FSTL5: variants seen among roughly 807,000 people sequenced by gnomAD.
FSTL5 encodes follistatin-related protein 5.
Under a neutral mutation model 89.1 loss-of-function variants are expected in FSTL5, and 62 were observed. The ratio of observed to expected loss-of-function variants is 0.70; its 90% CI spans 0.57 to 0.86. The LOEUF (loss-of-function observed/expected upper bound fraction) is 0.86, where lower values mean the gene tolerates loss of function less well. Ranked by LOEUF, FSTL5 falls within the 40% of genes least tolerant of loss-of-function variation. The pLI is 0.00. For synonymous variants in FSTL5, 383 were observed against 346.2 expected, an observed-to-expected ratio of 1.11 and a Z score of -1.18; for missense variants, 1,057 against 1,001.6, an observed-to-expected ratio of 1.06 and a Z score of -0.75.
intron 7 of FSTL5, among the ~76,000 whole-genome samples, chr4:161,598,832 G>T (rs1163555653): frequency 6.6e-6 from 1 of 151,698 alleles, no homozygotes; most frequent in Admixed American, 6.6e-5. Flanking sequence ...CAAAAATCAA[G>T]AGCAAAGGAA....
chr4:161,746,175 C>T (rs747748928), intron 6 of FSTL5, among the ~76,000 whole-genome samples: 10 of 151,450 alleles, frequency 6.6e-5, no homozygotes, highest in Non-Finnish European at 1.2e-4. Context: ...GAAGTTGTCA[C>T]CAATTTATTT....
chr4:162,052,114 A>C (rs1287858515), intron 2 of FSTL5, among the ~76,000 whole-genome samples: 1 of 151,710 alleles, frequency 6.6e-6, no homozygotes, highest in Non-Finnish European at 1.5e-5. Context: ...ATAACTGGAA[A>C]TACAACAGAG....
intron 7 of FSTL5, among the ~76,000 whole-genome samples, chr4:161,629,705 T>C (rs1735437758): frequency 6.6e-6 from 1 of 152,162 alleles, no homozygotes; most frequent in Non-Finnish European, 1.5e-5. Context: ...TTTTTTCCCC[T>C]AAGCCATAGC....
At chr4:161,522,078 C>T (rs1205287178) in intron 10 of FSTL5, among the ~76,000 whole-genome samples, 1 of 152,022 alleles carries the variant, frequency 6.6e-6, no homozygotes, top group Non-Finnish European at 1.5e-5. Context: ...TTTCAGTCCC[C>T]ACCCCCATAC....
At chr4:161,755,408 T>C (rs1740534608) in intron 6 of FSTL5, among the ~76,000 whole-genome samples, 1 of 152,098 alleles carries the variant, frequency 6.6e-6, no homozygotes, top group African/African-American at 2.4e-5. Context: ...CCATTAACTT[T>C]TTCCTGTTTG....
At chr4:161,596,931 C>T (rs1033913193) in intron 7 of FSTL5, among the ~76,000 whole-genome samples, 1 of 151,978 alleles carries the variant, frequency 6.6e-6, no homozygotes, top group South Asian at 2.1e-4. Context: ...TGGATATTAG[C>T]CCTTTGTCAG....
intron 15 of FSTL5, among the ~76,000 whole-genome samples, chr4:161,444,794 G>A (rs1369696825): frequency 1.3e-5 from 2 of 151,816 alleles, no homozygotes; most frequent in African/African-American, 4.8e-5. Flanking sequence ...TTTACCCCAA[G>A]AATGAGGAAA....
In FSTL5 at chr4:161,875,147, T is replaced by C. The variant is rs146330661; in HGVS notation, c.409+45257A>G. Among the ~76,000 whole-genome samples, 288 of 152,302 alleles carry C rather than the reference T, an allele frequency of 1.9e-3. 2 individuals carry two copies. Among genetic ancestry groups the C allele is most frequent in the African/African-American group, 6.7e-3 (277 of 41,564 alleles). ...TTCTCTTGTTTTAGTATTTGGAATA[T>C]ATTCTTTTATTTGGAGGCAGGGAAC... On this transcript the variant is annotated intron_variant, in intron 4 of 15. Coordinates refer to ENST00000306100, the MANE Select transcript of FSTL5 (RefSeq NM_020116.5).
chr4:161,971,833 C>T (rs895122907), intron 3 of FSTL5, among the ~76,000 whole-genome samples: 1 of 152,100 alleles, frequency 6.6e-6, no homozygotes, highest in African/African-American at 2.4e-5. Flanking sequence ...AACATCTTTT[C>T]TCCAGTTGAT....
chr4:161,659,969 T>A (rs569895249), intron 6 of FSTL5, among the ~76,000 whole-genome samples: 2 of 152,132 alleles, frequency 1.3e-5, no homozygotes, highest in South Asian at 4.1e-4. Context: ...TCAACATGTA[T>A]CATGTGTCCA....
intron 8 of FSTL5, among the ~76,000 whole-genome samples, chr4:161,582,995 G>A (rs1733488464): frequency 6.6e-6 from 1 of 151,918 alleles, no homozygotes; most frequent in African/African-American, 2.4e-5. Context: ...AGACTAGCCT[G>A]GCTAAGATGG....
At chr4:161,700,605 A>G (rs956668828) in intron 6 of FSTL5, among the ~76,000 whole-genome samples, 2 of 151,954 alleles carry the variant, frequency 1.3e-5, no homozygotes, top group East Asian at 3.9e-4. Context: ...TCGAATTCCT[A>G]GGTTCAAGCA....
intron 3 of FSTL5, among the ~76,000 whole-genome samples, chr4:161,981,501 G>A (rs985361512): frequency 1.3e-5 from 2 of 152,068 alleles, no homozygotes; most frequent in Non-Finnish European, 2.9e-5. Context: ...TCGGTAACTG[G>A]TGTAAAACAC....
chr4:161,834,125 C>T (rs959084015), intron 4 of FSTL5, among the ~76,000 whole-genome samples: 1 of 152,082 alleles, frequency 6.6e-6, no homozygotes, highest in African/African-American at 2.4e-5. Context: ...GGCTTCATCC[C>T]TGGGATGCAA....
intron 4 of FSTL5, among the ~76,000 whole-genome samples, chr4:161,781,947 T>C (rs534985573): frequency 3.3e-5 from 5 of 152,292 alleles, no homozygotes; most frequent in African/African-American, 9.6e-5. Flanking sequence ...TTTTTATGCT[T>C]TCCACAGTTT....
rs533111253 is a variant in FSTL5 at position 161,638,891 on chromosome 4, C to T, written c.894+17437G>A. The stretch of plus-strand genomic sequence containing the variant: ...TCCAGCATATAAACAGAGCCAAAGA[C>T]AAAAACCACATGATTATCTCAATAG... On this transcript the variant is annotated intron_variant, in intron 7 of 15. Transcript: ENST00000306100. 1.0e-4 allele frequency among the ~76,000 whole-genome samples: 14 copies of T among 138,862 alleles called. No individual in the cohort carries two copies. In the South Asian group the frequency reaches 1.8e-3, roughly 18 times the overall value. 91.1% of individuals were successfully genotyped at this position (138,862 alleles called of 152,430 possible). A position where few individuals can be genotyped will look rare whatever the true frequency, so the allele number is the denominator to read the frequency against.
intron 2 of FSTL5, among the ~76,000 whole-genome samples, chr4:162,103,997 A>G (rs1731107035): frequency 6.6e-6 from 1 of 151,974 alleles, no homozygotes; most frequent in Non-Finnish European, 1.5e-5. Context: ...CTCTGTTTTC[A>G]CTCTATTAAA....
chr4:161,802,021 G>T (rs1270984982), intron 4 of FSTL5, among the ~76,000 whole-genome samples: 1 of 151,610 alleles, frequency 6.6e-6, no homozygotes, highest in Non-Finnish European at 1.5e-5. Context: ...TCATTGAAAA[G>T]TCTCATGCCT....
intron 4 of FSTL5, among the ~76,000 whole-genome samples, chr4:161,859,715 G>A (rs1731839453): frequency 6.6e-6 from 1 of 152,124 alleles, no homozygotes; most frequent in African/African-American, 2.4e-5. Flanking sequence ...TTCTATCTTA[G>A]AGGAATAGAA....
Sources: allele counts gnomAD v4.1 joint callset (sites outside exome capture counted in the v4.1 genomes callset), GRCh38; gene constraint gnomAD v4.1.1; transcripts MANE v1.5; gene names NCBI Gene and HGNC (gene_info 2026-07-23, HGNC 2026-07-21).